ALG13: variants seen among roughly 807,000 people sequenced by gnomAD.
ALG13 encodes UDP-N-acetylglucosamine transferase subunit ALG13.
Under a neutral mutation model 87.8 loss-of-function variants are expected in ALG13, and 11 were observed. The observed-to-expected ratio is 0.13, with a 90% CI of 0.08 to 0.21. ALG13 has a LOEUF of 0.21. Ranked by LOEUF, ALG13 falls within the 10% of genes least tolerant of loss-of-function variation. The pLI is 1.00. For missense variants in ALG13, 756 were observed against 866.1 expected (o/e 0.87, Z 1.60); for synonymous variants, 320 against 306.3 (o/e 1.04, Z -0.47).
At chrX:111,733,857 C>T (rs926990248) in intron 21 of ALG13, among the ~76,000 whole-genome samples, 1 of 111,507 alleles carries the variant, frequency 9.0e-6, no homozygotes, top group Non-Finnish European at 1.9e-5. Context: ...CTTGCAGGAG[C>T]GAGGCGGTAT....
chrX:111,743,166 C>T (rs1010643553), intron 23 of ALG13, among the ~76,000 whole-genome samples: 1 of 111,702 alleles, frequency 9.0e-6, no homozygotes, highest in Non-Finnish European at 1.9e-5. Context: ...TAATCACATT[C>T]TACTATCTTC....
intron 21 of ALG13, among the ~76,000 whole-genome samples, chrX:111,734,715 C>CT (rs905365501): frequency 5.8e-4 from 62 of 107,403 alleles, no homozygotes; most frequent in African/African-American, 1.3e-3. Context: ...GATAGAATGC[C>CT]TTTTTTTTTT....
At chrX:111,714,921 G>C (rs1940345753) in intron 8 of ALG13, among the ~76,000 whole-genome samples, 1 of 112,084 alleles carries the variant, frequency 8.9e-6, no homozygotes. Context: ...GTTGTACATA[G>C]CATTGCTTGA....
intron 3 of ALG13, among the ~76,000 whole-genome samples, chrX:111,693,924 C>T (rs1936576360): frequency 8.9e-6 from 1 of 111,821 alleles, no homozygotes; most frequent in Non-Finnish European, 1.9e-5. Flanking sequence ...AACTTCATTT[C>T]TTGGTCATTG....
intron 9 of ALG13, 29 bp from the exon 10 acceptor site, chrX:111,718,083 A>G (rs1237010280): frequency 1.6e-5 from 18 of 1,140,102 alleles, no homozygotes; most frequent in Non-Finnish European, 2.1e-5. Flanking sequence ...TTATTTTGAC[A>G]ATTGGAATTT....
At position 111,722,934 on chromosome X, in the gene ALG13, T is replaced by C. The variant is rs865881350; in HGVS notation, c.1500+77T>C. 283 of 705,678 alleles carry C rather than the reference T, an allele frequency of 4.0e-4. No individual in the cohort carries two copies. The Middle Eastern group carries it at 6.8e-3, about 17-fold the overall frequency. 58.2% of individuals were successfully genotyped at this position (705,678 alleles called of 1,213,427 possible). On this transcript the variant is annotated intron_variant, in intron 13 of 26. Coordinates refer to ENST00000394780, the MANE Select transcript of ALG13 (RefSeq NM_001099922.3). ...CATGATATGAGTTGAACAAGACTTA[T>C]TTACAAAGTACTAGAAACTTTTTAT...
chrX:111,730,832 TCTCA>T (rs1942605465), intron 21 of ALG13, among the ~76,000 whole-genome samples: 1 of 112,278 alleles, frequency 8.9e-6, no homozygotes, highest in African/African-American at 3.2e-5. Flanking sequence ...GGATGATACA[TCTCA>T]CTCAATATAA....
chrX:111,711,551 A>G (rs767522483), intron 5 of ALG13, 124 bp from the exon 6 acceptor site: 22 of 559,041 alleles, frequency 3.9e-5, no homozygotes, highest in Non-Finnish European at 5.9e-5. Context: ...GTGCTGTGCA[A>G]AGTAGATACT....
chrX:111,731,914 G>T (rs1303505221), intron 21 of ALG13, among the ~76,000 whole-genome samples: 1 of 111,869 alleles, frequency 8.9e-6, no homozygotes, highest in African/African-American at 3.3e-5. Context: ...TTTACTAGGT[G>T]TTACATCCTT....
At chrX:111,684,931 A>G in intron 2 of ALG13, 34 bp from the exon 3 acceptor site, 1 of 1,170,786 alleles carries the variant, frequency 8.5e-7, no homozygotes, top group South Asian at 2.0e-5. Flanking sequence ...ACTTATTTCA[A>G]ATTGTGTTGA....
intron 24 of ALG13, among the ~76,000 whole-genome samples, chrX:111,748,955 C>T (rs1056454137): frequency 2.7e-5 from 3 of 110,461 alleles, no homozygotes; most frequent in African/African-American, 9.9e-5. Context: ...AGGTGGTGAG[C>T]ACCTGTAATG....
At chrX:111,758,182 A>AT (rs1345964122) in intron 26 of ALG13, among the ~76,000 whole-genome samples, 2 of 111,878 alleles carry the variant, frequency 1.8e-5, no homozygotes, top group Non-Finnish European at 3.8e-5. Context: ...GAATAGTTGT[A>AT]TTTTTCTTTG....
In ALG13 at chrX:111,721,747, A is replaced by G. The variant is rs372893267; in HGVS notation, c.1435+36A>G. 4.1e-6 allele frequency: 4 copies of G among 983,094 alleles called. No individual in the cohort carries two copies. The African/African-American group carries it at 7.6e-5, about 19-fold the overall frequency. The allele number at this position is 983,094 out of a possible 1,213,427, so 81.0% of individuals were successfully genotyped here. ...ATCAACAGGATACTTTTGAATCCTG[A>G]CAAATCCAGGAGTATAATTTTGCAA... On this transcript the variant is annotated intron_variant, in intron 12 of 26. Coordinates refer to ENST00000394780, the MANE Select transcript of ALG13 (RefSeq NM_001099922.3).
intron 3 of ALG13, chrX:111,688,444 G>C: frequency 1.3e-6 from 1 of 749,249 alleles, no homozygotes; most frequent in Non-Finnish European, 1.6e-6. Flanking sequence ...AAAAATGATG[G>C]ATTATGCTCT....
chrX:111,688,995 T>C, intron 3 of ALG13: 3 of 741,868 alleles, frequency 4.0e-6, no homozygotes, highest in Non-Finnish European at 4.8e-6. Context: ...CCAATCATAT[T>C]ATCCCAACAT....
At chrX:111,734,287 A>G (rs1943018609) in intron 21 of ALG13, 1 of 112,457 alleles carries the variant, frequency 8.9e-6, no homozygotes, top group African/African-American at 3.2e-5. Context: ...CATGTCTAAC[A>G]CTCAAATAAA....
At chrX:111,717,076 A>G (rs746013299) in intron 8 of ALG13, 2 of 110,937 alleles carry the variant, frequency 1.8e-5, no homozygotes, top group Non-Finnish European at 3.8e-5. Context: ...AGCTGAGACT[A>G]TAGGCACACA....
rs771955028 is a variant in ALG13, at chrX:111,681,245, G to A, written c.27G>A (p.Gly9=). ...TGAAGTGCGTGTTTGTTACCGTAGG[G>A]ACCACCAGCTTTGACGACCTCATTG... is the stretch of plus-strand genomic sequence containing the variant. MKCVFVTV[G]TTSFDDLIAC... The change falls in exon 1 of 27, where the codon GGG becomes GGA. Residue 9 remains glycine, a synonymous_variant. Transcript: ENST00000394780. The A allele has an allele frequency of 2.5e-6, 3 of 1,212,253 alleles. No individual in the cohort carries two copies. Among genetic ancestry groups the A allele is most frequent in the Admixed American group, 4.3e-5 (2 of 46,147 alleles).
chrX:111,748,152 T>G (rs1444591879), intron 24 of ALG13, among the ~76,000 whole-genome samples: 1 of 112,705 alleles, frequency 8.9e-6, no homozygotes, highest in Non-Finnish European at 1.9e-5. Flanking sequence ...GTTTACTTAT[T>G]GAGTTCTAAG....
Sources: allele counts gnomAD v4.1 joint callset (sites outside exome capture counted in the v4.1 genomes callset), GRCh38; gene constraint gnomAD v4.1.1; transcripts MANE v1.5; gene names NCBI Gene and HGNC (gene_info 2026-07-23, HGNC 2026-07-21).